Variants in SLC9A6 observed in about 807,000 individuals in gnomAD.
SLC9A6 encodes the protein solute carrier family 9 member A6, also known as sodium/hydrogen exchanger 6.
SLC9A6 carries 6 observed loss-of-function variants against 45.3 expected under a neutral mutation model. The observed-to-expected ratio is 0.13, with a 90% CI of 0.07 to 0.26. SLC9A6 has a LOEUF of 0.26. SLC9A6 is among the 10% of genes least tolerant of loss of function. The pLI, the probability that SLC9A6 is intolerant of heterozygous loss-of-function variation, is 1.00. For synonymous variants in SLC9A6, 191 were observed against 187.7 expected (o/e 1.02, Z -0.14); for missense variants, 278 against 503.7 (o/e 0.55, Z 4.29).
chrX:135,985,730 C>T lies in SLC9A6; in HGVS notation c.72C>T (p.Ile24=). ...SHRQDSANLL[I]FILLLTLTIL... ...GGCAGGACAGCGCCAACCTGCTCATCTTCATCCTGCTGCTCACCCTCACCA... is the reference window on the plus strand; with the variant it reads ...GGCAGGACAGCGCCAACCTGCTCATTTTCATCCTGCTGCTCACCCTCACCA... Residue 24 remains isoleucine, a synonymous_variant, in exon 2 of 18, where the codon ATC becomes ATT. Transcript: ENST00000630721. 2 of 1,211,765 alleles carry T rather than the reference C, an allele frequency of 1.7e-6. No individual in the cohort carries two copies. Among genetic ancestry groups the T allele is most frequent in the Non-Finnish European group, 2.2e-6 (2 of 895,461 alleles).
At chrX:135,985,950 T>G in intron 2 of SLC9A6, 123 bp downstream of exon 2, 1 of 856,767 alleles carries the variant, frequency 1.2e-6, no homozygotes, top group Non-Finnish European at 1.7e-6. Context: ...CCTTCCATTT[T>G]CTGCCTCGCC....
At position 135,985,463 on chromosome X, in the gene SLC9A6, GC is replaced by G; in HGVS notation, c.-70del. ...CCCTCGGGGAGTGGTCCGACCGCGG[GC>G]GGCCGCCGGTGAGGTAGGGGCGGGA... On this transcript the variant is annotated 5_prime_UTR_variant, in exon 1 of 18. Coordinates refer to ENST00000630721, the MANE Select transcript of SLC9A6 (RefSeq NM_001379110.1). The G allele has an allele frequency of 2.0e-6, 2 of 999,573 alleles. No individual in the cohort carries two copies. The allele number at this position is 999,573 out of a possible 1,213,427, so 82.4% of individuals were successfully genotyped here. A position where few individuals can be genotyped will look rare whatever the true frequency, so the allele number is the denominator to read the frequency against.
At chrX:136,030,386 G>A in intron 15 of SLC9A6, 1 of 426,583 alleles carries the variant, frequency 2.3e-6, no homozygotes, top group Non-Finnish European at 4.1e-6. Flanking sequence ...CAGCTTTCAT[G>A]TCTCTGGGCC....
At chrX:136,003,709 C>T (rs1556617624) in intron 7 of SLC9A6, among the ~76,000 whole-genome samples, 1 of 112,163 alleles carries the variant, frequency 8.9e-6, no homozygotes, top group African/African-American at 3.2e-5. Context: ...AATTGCTCAT[C>T]AAAGAAATTG....
intron 6 of SLC9A6, among the ~76,000 whole-genome samples, chrX:136,000,254 CAAAAAAAAAAAAAAAA>C (rs1212509294): frequency 1.9e-4 from 3 of 15,785 alleles, no homozygotes; most frequent in Non-Finnish European, 3.8e-4. Context: ...ACCCTGTCTC[CAAAAAAAAAAAAAAAA>C]AAAAAAAAAA....
At chrX:135,997,980 T>G in intron 3 of SLC9A6, 128 bp from the exon 4 acceptor site, 2 of 467,168 alleles carry the variant, frequency 4.3e-6, no homozygotes. Context: ...GAAATATTTT[T>G]AAGTTAGCAC....
chrX:135,976,436 A>C (rs1442879619), intron 1 of SLC9A6, among the ~76,000 whole-genome samples: 4 of 110,417 alleles, frequency 3.6e-5, no homozygotes, highest in Non-Finnish European at 7.6e-5. Context: ...CCCCATCTCT[A>C]CTAAAAATAC....
Position 136,010,436 on chromosome X carries a change from C to T in SLC9A6, c.744-6C>T, listed in dbSNP as rs17001258. ...TTCAGAAGTAAAAGCAGTCTCTCTT[C>T]TGTAGCTCAATAGTGGCATACCAGC... On this transcript the variant is annotated splice_polypyrimidine_tract_variant and splice_region_variant and intron_variant, in intron 7 of 17. Coordinates refer to ENST00000630721, the MANE Select transcript of SLC9A6 (RefSeq NM_001379110.1). 3,906 of 1,208,872 alleles carry T rather than the reference C, an allele frequency of 3.2e-3. 69 individuals carry two copies. The African/African-American group carries it at 0.06, about 19-fold the overall frequency.
chrX:135,985,066 T>C (rs1430488154), upstream of SLC9A6: 1 of 117,074 alleles, frequency 8.5e-6, no homozygotes, highest in Non-Finnish European at 1.7e-5. Context: ...ATTACAGAGA[T>C]GGAGATTGAG....
intron 1 of SLC9A6, 37 bp downstream of exon 1, chrX:135,985,514 C>T (rs1415889484): frequency 1.8e-6 from 2 of 1,109,666 alleles, no homozygotes; most frequent in East Asian, 3.4e-5. Flanking sequence ...TGGCTCGGCG[C>T]GGCTGGCGGC....
intron 7 of SLC9A6, among the ~76,000 whole-genome samples, chrX:136,007,855 G>A (rs1486733582): frequency 1.8e-5 from 2 of 111,031 alleles, no homozygotes; most frequent in Non-Finnish European, 3.8e-5. Context: ...ATATTTATGT[G>A]TAAATCTTTG....
At chrX:135,975,348 T>C in intron 1 of SLC9A6, 1 of 112,739 alleles carries the variant, frequency 8.9e-6, no homozygotes, top group Non-Finnish European at 1.9e-5. Flanking sequence ...ATCAGAATTC[T>C]ACGTTTTAGT....
At chrX:136,030,030 T>C in intron 14 of SLC9A6, 102 bp from the exon 15 acceptor site, 1 of 803,675 alleles carries the variant, frequency 1.2e-6, no homozygotes, top group Non-Finnish European at 1.9e-6. Flanking sequence ...AACCATTCCA[T>C]AGCTTCTGTG....
chrX:136,014,090 A>G (rs942023096), intron 10 of SLC9A6, among the ~76,000 whole-genome samples: 13 of 112,113 alleles, frequency 1.2e-4, no homozygotes, highest in African/African-American at 3.9e-4. Flanking sequence ...CTTAGGAGGT[A>G]TGTGGGACAA....
At chrX:135,973,885 C>T (rs2089238025), upstream of SLC9A6, 1 of 1,151,231 alleles carries the variant, frequency 8.7e-7, no homozygotes, top group Non-Finnish European at 1.2e-6. Context: ...AAAAGGTCCG[C>T]GAGAACCCAC....
intron 16 of SLC9A6, 110 bp from the exon 17 acceptor site, chrX:136,039,966 C>G: frequency 1.7e-6 from 1 of 599,596 alleles, no homozygotes; most frequent in Non-Finnish European, 2.8e-6. Context: ...TGTGAAAGCC[C>G]TTTGCTGTCC....
upstream of SLC9A6, among the ~76,000 whole-genome samples, chrX:135,982,621 G>A (rs3761642): frequency 7.2e-5 from 8 of 110,526 alleles, no homozygotes; most frequent in East Asian, 8.5e-4. Context: ...CTACAGGCAC[G>A]CGCCACCATG....
At chrX:135,990,859 A>G (rs782308214) in intron 2 of SLC9A6, among the ~76,000 whole-genome samples, 4 of 111,949 alleles carry the variant, frequency 3.6e-5, no homozygotes, top group Non-Finnish European at 3.8e-5. Flanking sequence ...CATTATTAGC[A>G]TTTGTAGTAG....
rs782640749 is a variant in SLC9A6, at chrX:136,024,310, C to T, written c.1307-20C>T. On this transcript the variant is annotated intron_variant, in intron 12 of 17. Coordinates refer to ENST00000630721, the MANE Select transcript of SLC9A6 (RefSeq NM_001379110.1). ...TTGGTAATGAGTTATTGAAGAAATA[C>T]CTTTTCTGTTCCCCTGTAGGCCTTC... 7.4e-6 allele frequency: 9 copies of T among 1,208,789 alleles called. No individual in the cohort carries two copies. The highest frequency in any genetic ancestry group is 4.6e-4 in the Middle Eastern group (2 of 4,344).
Sources: allele counts gnomAD v4.1 joint callset (sites outside exome capture counted in the v4.1 genomes callset), GRCh38; gene constraint gnomAD v4.1.1; transcripts MANE v1.5; gene names NCBI Gene and HGNC (gene_info 2026-07-23, HGNC 2026-07-21).